The following MPP7 variants were observed in gnomAD, a reference collection of about 807,000 sequenced individuals.
MPP7 encodes MAGUK p55 subfamily member 7.
MPP7 carries 60 observed loss-of-function variants against 76.5 expected under a neutral mutation model. The ratio of observed to expected loss-of-function variants is 0.78; its 90% CI spans 0.64 to 0.97. The LOEUF (loss-of-function observed/expected upper bound fraction) is 0.97, where lower values mean the gene tolerates loss of function less well. MPP7 is among the 50% of genes least tolerant of loss of function. The pLI is 0.00. For synonymous variants in MPP7, 237 were observed against 244.5 expected (o/e 0.97, Z 0.29); for missense variants, 641 against 694.0 (o/e 0.92, Z 0.86).
chr10:28,059,052 G>A (rs375118682), intron 14 of MPP7, among the ~76,000 whole-genome samples: 8 of 152,100 alleles, frequency 5.3e-5, no homozygotes, highest in Non-Finnish European at 1.0e-4. Flanking sequence ...CAATCACTGC[G>A]CCAAACACGA....
Position 28,104,493 on chromosome 10 carries a change from C to A in MPP7, c.953-14652G>T, listed in dbSNP as rs547329603. Among the ~76,000 whole-genome samples, 199 of 152,260 alleles carry A rather than the reference C, an allele frequency of 1.3e-3. 5 individuals carry two copies. The South Asian group carries it at 0.039, about 30-fold the overall frequency. On this transcript the variant is annotated intron_variant, in intron 11 of 16. Coordinates refer to ENST00000683449, the MANE Select transcript of MPP7 (RefSeq NM_001318170.2). ...TTTAAAAACACATAAGATCTGTAGG[C>A]ATTTTTAGGATTTGGCTTTTGGGGG...
chr10:28,094,479 T>C (rs530796838), intron 11 of MPP7, among the ~76,000 whole-genome samples: 1 of 152,314 alleles, frequency 6.6e-6, no homozygotes, highest in African/African-American at 2.4e-5. Flanking sequence ...GATTAAATAA[T>C]TCATGTAAAG....
chr10:28,258,387 T>TAC (rs1839851485), intron 1 of MPP7, among the ~76,000 whole-genome samples: 1 of 93,708 alleles, frequency 1.1e-5, no homozygotes, highest in Admixed American at 1.0e-4. Flanking sequence ...AAATATTATA[T>TAC]ATATATATAT....
At chr10:28,184,895 T>C (rs934603237) in intron 3 of MPP7, among the ~76,000 whole-genome samples, 1 of 147,252 alleles carries the variant, frequency 6.8e-6, no homozygotes, top group Non-Finnish European at 1.5e-5. Context: ...TAATATAAAA[T>C]AAGTTCTTTC....
At chr10:28,069,973 G>T in intron 12 of MPP7, 121 bp from the exon 13 acceptor site, 1 of 674,604 alleles carries the variant, frequency 1.5e-6, no homozygotes, top group Non-Finnish European at 2.6e-6. Flanking sequence ...CCTAAGTAAA[G>T]AGATTATTTT....
intron 3 of MPP7, among the ~76,000 whole-genome samples, chr10:28,181,201 A>G (rs1359346968): frequency 6.6e-6 from 1 of 152,238 alleles, no homozygotes; most frequent in Non-Finnish European, 1.5e-5. Flanking sequence ...ACTCAATTTT[A>G]AAATGTTAAA....
At chr10:28,129,211 C>T (rs1204006143) in intron 6 of MPP7, among the ~76,000 whole-genome samples, 1 of 152,044 alleles carries the variant, frequency 6.6e-6, no homozygotes, top group Non-Finnish European at 1.5e-5. Flanking sequence ...GCACATTACA[C>T]GTGATACTGT....
At chr10:28,253,986 A>C (rs1245778508) in intron 1 of MPP7, among the ~76,000 whole-genome samples, 2 of 124,416 alleles carry the variant, frequency 1.6e-5, no homozygotes, top group African/African-American at 5.8e-5. Context: ...ACAGAGAGAG[A>C]GTCTGTCTCA....
chr10:28,095,426 C>A (rs1759899527), intron 11 of MPP7, among the ~76,000 whole-genome samples: 2 of 152,008 alleles, frequency 1.3e-5, no homozygotes, highest in East Asian at 3.9e-4. Context: ...TAGATTCTGT[C>A]CCCCATGGGT....
intron 3 of MPP7, among the ~76,000 whole-genome samples, chr10:28,163,985 C>T (rs1461466861): frequency 1.3e-5 from 2 of 150,118 alleles, no homozygotes; most frequent in Admixed American, 1.3e-4. Context: ...TTTACCGAAA[C>T]ACAGAAGTCT....
At chr10:28,120,723 G>C in intron 8 of MPP7, 55 bp from the exon 9 acceptor site, 1 of 1,370,220 alleles carries the variant, frequency 7.3e-7, no homozygotes. Context: ...GGAAGAATAA[G>C]GTAAAATAGG....
chr10:28,236,948 G>A (rs1839098152), intron 2 of MPP7: 1 of 152,174 alleles, frequency 6.6e-6, no homozygotes. Context: ...ACCTTGTGGG[G>A]ACATAAGGTC....
At chr10:28,258,007 T>A (rs1839839807) in intron 1 of MPP7, among the ~76,000 whole-genome samples, 1 of 152,102 alleles carries the variant, frequency 6.6e-6, no homozygotes, top group East Asian at 1.9e-4. Context: ...GCTGACACCT[T>A]ACAGTACACA....
At chr10:28,087,807 AGT>A (rs1199296654) in intron 12 of MPP7, among the ~76,000 whole-genome samples, 2 of 152,190 alleles carry the variant, frequency 1.3e-5, no homozygotes, top group African/African-American at 4.8e-5. Context: ...CAGAAGGGAC[AGT>A]GAGGTGGGAG....
intron 1 of MPP7, among the ~76,000 whole-genome samples, chr10:28,273,740 A>AACAATGTCAAGTTCTGCATTC (rs1162438460): frequency 6.6e-6 from 1 of 152,232 alleles, no homozygotes; most frequent in Non-Finnish European, 1.5e-5. Context: ...ATTCTGCATT[A>AACAATGTCAAGTTCTGCATTC]ACAATGTCAA....
chr10:28,173,120 G>T (rs538141808), intron 3 of MPP7, among the ~76,000 whole-genome samples: 1 of 151,960 alleles, frequency 6.6e-6, no homozygotes, highest in Non-Finnish European at 1.5e-5. Flanking sequence ...AAAAGTAGTG[G>T]TTCCCCAGAC....
intron 1 of MPP7, among the ~76,000 whole-genome samples, chr10:28,270,896 A>T (rs978017988): frequency 4.6e-5 from 7 of 151,882 alleles, no homozygotes; most frequent in African/African-American, 1.7e-4. Flanking sequence ...TGATGATGGG[A>T]TCTCTCAGTG....
chr10:28,258,426 G>C (rs906039283), intron 1 of MPP7, among the ~76,000 whole-genome samples: 4 of 146,858 alleles, frequency 2.7e-5, no homozygotes, highest in Non-Finnish European at 6.0e-5. Flanking sequence ...TTGAGACAGA[G>C]TCTCACTCTG....
chr10:28,331,183 A>C (rs2133193131), intron 1 of MPP7, among the ~76,000 whole-genome samples: 1 of 152,248 alleles, frequency 6.6e-6, no homozygotes, highest in Non-Finnish European at 1.5e-5. Context: ...GAAAAAAGGG[A>C]AATGTCTTCA....
Sources: gnomAD v4.1 joint callset for allele counts (sites outside exome capture counted in the v4.1 genomes callset) on GRCh38, gnomAD v4.1.1 for gene constraint, MANE v1.5 for transcripts, NCBI Gene and HGNC (gene_info 2026-07-23, HGNC 2026-07-21) for gene names.